PTH2R: variants seen among roughly 807,000 people sequenced by gnomAD.
PTH2R encodes parathyroid hormone 2 receptor.
Under a neutral mutation model 60.3 loss-of-function variants are expected in PTH2R, and 59 were observed. The ratio of observed to expected loss-of-function variants is 0.98; its 90% confidence interval spans 0.79 to 1.22. The LOEUF (loss-of-function observed/expected upper bound fraction) is 1.22, where lower values mean the gene tolerates loss of function less well. PTH2R is among the 50% of genes most tolerant of loss of function. The pLI is 0.00. For missense variants in PTH2R, 749 were observed against 682.6 expected (o/e 1.10, Z -1.08); for synonymous variants, 256 against 243.8 (o/e 1.05, Z -0.47).
intron 1 of PTH2R, among the ~76,000 whole-genome samples, chr2:208,384,251 G>T (rs1404151671): frequency 6.6e-6 from 1 of 152,168 alleles, no homozygotes; most frequent in East Asian, 1.9e-4. Flanking sequence ...AGAAAGAGAC[G>T]GGGAGGACAT....
chr2:208,453,675 T>C (rs1212283148), intron 8 of PTH2R, among the ~76,000 whole-genome samples: 8 of 152,206 alleles, frequency 5.3e-5, no homozygotes, highest in African/African-American at 1.9e-4. Context: ...TTTGAGTTAA[T>C]GCAAGTTGTG....
At chr2:208,436,844 G>A (rs1198791273) in intron 2 of PTH2R, among the ~76,000 whole-genome samples, 1 of 152,030 alleles carries the variant, frequency 6.6e-6, no homozygotes, top group Admixed American at 6.5e-5. Flanking sequence ...CAAAAAAAAG[G>A]GACAGAGAGA....
upstream of PTH2R, among the ~76,000 whole-genome samples, chr2:208,406,252 A>G (rs879855111): frequency 8.5e-5 from 13 of 152,236 alleles, no homozygotes; most frequent in Non-Finnish European, 1.9e-4. Flanking sequence ...AACTAAAAAA[A>G]AAGAATATTA....
intron 1 of PTH2R, among the ~76,000 whole-genome samples, chr2:208,412,830 G>C (rs1358861720): frequency 6.6e-6 from 1 of 152,124 alleles, no homozygotes; most frequent in Non-Finnish European, 1.5e-5. Flanking sequence ...ATCAAAAGCA[G>C]AAACTACCCA....
At chr2:208,474,378 C>T (rs142356980) in intron 9 of PTH2R, among the ~76,000 whole-genome samples, 51 of 152,208 alleles carry the variant, frequency 3.4e-4, no homozygotes, top group East Asian at 2.7e-3. Flanking sequence ...GTCTTTCTGA[C>T]GCCATCATGA....
intron 7 of PTH2R, among the ~76,000 whole-genome samples, chr2:208,445,581 G>T (rs887620838): frequency 2.6e-5 from 4 of 152,142 alleles, no homozygotes; most frequent in Non-Finnish European, 5.9e-5. Flanking sequence ...TTGAGAAGAG[G>T]TTGGAGATTA....
At chr2:208,411,293 T>C (rs926392555) in intron 1 of PTH2R, among the ~76,000 whole-genome samples, 4 of 152,224 alleles carry the variant, frequency 2.6e-5, no homozygotes, top group African/African-American at 9.6e-5. Flanking sequence ...TTTGATTATC[T>C]CTATACTGTG....
chr2:208,363,543 T>G (rs959979274), intron 1 of PTH2R, among the ~76,000 whole-genome samples: 1 of 152,238 alleles, frequency 6.6e-6, no homozygotes, highest in African/African-American at 2.4e-5. Flanking sequence ...GTAATGGGGT[T>G]GCTAGGTGGA....
At chr2:208,434,692 T>C (rs1574869321) in intron 2 of PTH2R, among the ~76,000 whole-genome samples, 1 of 152,082 alleles carries the variant, frequency 6.6e-6, no homozygotes, top group Admixed American at 6.5e-5. Flanking sequence ...ACACAATAGA[T>C]ACTGGGCACA....
chr2:208,435,255 T>C (rs145078262), intron 2 of PTH2R, among the ~76,000 whole-genome samples: 2 of 152,224 alleles, frequency 1.3e-5, no homozygotes, highest in African/African-American at 4.8e-5. Context: ...AACTAAAAAA[T>C]TGAGAGAGCT....
intron 9 of PTH2R, among the ~76,000 whole-genome samples, chr2:208,479,165 A>G (rs551342569): frequency 6.6e-6 from 1 of 151,816 alleles, no homozygotes; most frequent in East Asian, 1.9e-4. Context: ...CCTTGAACGT[A>G]TCTTCTCAGT....
At chr2:208,378,552 G>A (rs1409822136) in intron 1 of PTH2R, among the ~76,000 whole-genome samples, 1 of 151,962 alleles carries the variant, frequency 6.6e-6, no homozygotes, top group Non-Finnish European at 1.5e-5. Flanking sequence ...AGCTCAGGAG[G>A]GTGGAGCCCT....
At chr2:208,468,673 T>G (rs753161147) in intron 9 of PTH2R, among the ~76,000 whole-genome samples, 15 of 152,240 alleles carry the variant, frequency 9.9e-5, no homozygotes, top group Non-Finnish European at 1.9e-4. Context: ...CTACTTTTTC[T>G]TTGTGACCTT....
intron 1 of PTH2R, among the ~76,000 whole-genome samples, chr2:208,396,389 A>G (rs1284077724): frequency 6.6e-6 from 1 of 152,226 alleles, no homozygotes; most frequent in Non-Finnish European, 1.5e-5. Context: ...ACAGAATGGG[A>G]GAAAATTTTT....
upstream of PTH2R, among the ~76,000 whole-genome samples, chr2:208,405,134 A>G (rs998074097): frequency 5.3e-5 from 8 of 152,154 alleles, no homozygotes; most frequent in African/African-American, 1.9e-4. Flanking sequence ...GGATTCTTTA[A>G]TAAGTGATGT....
intron 7 of PTH2R, 50 bp from the exon 8 acceptor site, chr2:208,450,699 C>T: frequency 6.3e-7 from 1 of 1,578,952 alleles, no homozygotes; most frequent in South Asian, 1.1e-5. Flanking sequence ...AGGAAAAAAC[C>T]TCCTTAATCT....
chr2:208,443,877 T>C (rs1702236702), intron 6 of PTH2R, among the ~76,000 whole-genome samples: 1 of 152,208 alleles, frequency 6.6e-6, no homozygotes, highest in African/African-American at 2.4e-5. Context: ...AACCAGAAGC[T>C]TGCAATTTAA....
chr2:208,483,417 T>A (rs10165447), intron 10 of PTH2R, among the ~76,000 whole-genome samples: 15,975 of 152,198 alleles, frequency 0.1, 1,990 homozygotes, highest in African/African-American at 0.3. Context: ...ATTTCTTTAG[T>A]TCTGAACAAA....
At chr2:208,368,805 T>C (rs1700641195) in intron 1 of PTH2R, among the ~76,000 whole-genome samples, 2 of 152,196 alleles carry the variant, frequency 1.3e-5, no homozygotes, top group Non-Finnish European at 2.9e-5. Context: ...CCATGGAAGC[T>C]CAAGGTCAGT....
Sources: allele counts gnomAD v4.1 joint callset (sites outside exome capture counted in the v4.1 genomes callset), GRCh38; gene constraint gnomAD v4.1.1; transcripts MANE v1.5; gene names NCBI Gene and HGNC (gene_info 2026-07-23, HGNC 2026-07-21).